The following TMEM108 variants were observed in gnomAD, a reference collection of about 807,000 sequenced individuals.
TMEM108 encodes cancer/testis antigen 124.
In TMEM108, 12 loss-of-function variants were observed where a neutral mutation model predicts 35.1. That is an observed-to-expected ratio of 0.34 (90% CI 0.22 to 0.55). The LOEUF (loss-of-function observed/expected upper bound fraction) is 0.55. Among genes scored for constraint, TMEM108 ranks in the 20% least tolerant of loss-of-function variants. The pLI is 0.89. For synonymous variants in TMEM108, 287 were observed against 308.6 expected (o/e 0.93, Z 0.73); for missense variants, 680 against 753.3 (o/e 0.90, Z 1.14).
chr3:133,319,660 G>A (rs879657855), intron 3 of TMEM108, among the ~76,000 whole-genome samples: 12 of 152,116 alleles, frequency 7.9e-5, no homozygotes, highest in African/African-American at 2.4e-4. Flanking sequence ...AGCAGGTGCC[G>A]GTATCCATGT....
At chr3:133,251,930 T>C (rs894697808) in intron 3 of TMEM108, among the ~76,000 whole-genome samples, 3 of 152,142 alleles carry the variant, frequency 2.0e-5, no homozygotes, top group African/African-American at 7.2e-5. Context: ...TGACGGCCTA[T>C]GATATGTAGT....
At chr3:133,077,977 G>A (rs147003854) in intron 2 of TMEM108, among the ~76,000 whole-genome samples, 1 of 152,228 alleles carries the variant, frequency 6.6e-6, no homozygotes, top group Non-Finnish European at 1.5e-5. Flanking sequence ...AGGTTTTTGT[G>A]TGTCTTCCAA....
At position 133,162,705 on chromosome 3, in the gene TMEM108, C is replaced by G. The variant is rs560580308; in HGVS notation, c.-46-66561C>G. Among the ~76,000 whole-genome samples the G allele has an allele frequency of 3.2e-4, 48 of 152,300 alleles. No homozygotes were observed. The East Asian group carries it at 7.1e-3, about 23-fold the overall frequency. The stretch of plus-strand genomic sequence containing the variant: ...GTCTGCCAGAGCATCTTTTCTGAGC[C>G]CTTGGCTTCATTAATACACTGCTTC... On this transcript the variant is annotated intron_variant, in intron 2 of 5. Coordinates refer to ENST00000321871, the MANE Select transcript of TMEM108 (RefSeq NM_023943.4).
intron 3 of TMEM108, among the ~76,000 whole-genome samples, chr3:133,269,957 G>C (rs1946747831): frequency 6.6e-6 from 1 of 152,122 alleles, no homozygotes; most frequent in Admixed American, 6.5e-5. Context: ...TCCTCCTCCT[G>C]GAGTGAGCTA....
chr3:133,343,954 T>A (rs2071739026), intron 3 of TMEM108, among the ~76,000 whole-genome samples: 1 of 151,866 alleles, frequency 6.6e-6, no homozygotes, highest in Non-Finnish European at 1.5e-5. Context: ...CACAACCTTT[T>A]TCCAACCAAA....
At chr3:133,251,641 GAT>G (rs1471672018) in intron 3 of TMEM108, among the ~76,000 whole-genome samples, 1 of 152,098 alleles carries the variant, frequency 6.6e-6, no homozygotes, top group Non-Finnish European at 1.5e-5. Context: ...AAAGGGAAGA[GAT>G]ATTGGATAGG....
intron 3 of TMEM108, among the ~76,000 whole-genome samples, chr3:133,329,884 T>C (rs1576459062): frequency 6.6e-6 from 1 of 152,150 alleles, no homozygotes; most frequent in South Asian, 2.1e-4. Flanking sequence ...TAGTGTGTGG[T>C]TATATTCCCT....
intron 2 of TMEM108, among the ~76,000 whole-genome samples, chr3:133,114,619 C>CTTTAT (rs556857335): frequency 5.9e-5 from 9 of 151,936 alleles, no homozygotes; most frequent in Non-Finnish European, 1.3e-4. Flanking sequence ...TGCCTCCTGC[C>CTTTAT]TTTATTTTAT....
chr3:133,061,775 GT>G (rs1258152599), intron 2 of TMEM108, among the ~76,000 whole-genome samples: 1 of 152,144 alleles, frequency 6.6e-6, no homozygotes, highest in Non-Finnish European at 1.5e-5. Context: ...TACTGCACTG[GT>G]GTGTGGAATA....
intron 2 of TMEM108, among the ~76,000 whole-genome samples, chr3:133,164,404 C>A (rs1306910834): frequency 6.6e-6 from 1 of 152,156 alleles, no homozygotes; most frequent in Non-Finnish European, 1.5e-5. Flanking sequence ...GGGAGTCTCT[C>A]AGCTGGACAC....
chr3:133,317,320 C>T (rs1021040588), intron 3 of TMEM108, among the ~76,000 whole-genome samples: 3 of 152,196 alleles, frequency 2.0e-5, no homozygotes, highest in African/African-American at 7.2e-5. Context: ...GACAGGCTCT[C>T]AGCAAAATGC....
intron 3 of TMEM108, among the ~76,000 whole-genome samples, chr3:133,268,054 C>G (rs1946723089): frequency 6.6e-6 from 1 of 152,196 alleles, no homozygotes; most frequent in Non-Finnish European, 1.5e-5. Flanking sequence ...TCTGGAATGG[C>G]AGAAGCTGGC....
chr3:133,354,257 A>G (rs1317581763), intron 3 of TMEM108, among the ~76,000 whole-genome samples: 3 of 152,208 alleles, frequency 2.0e-5, no homozygotes, highest in Non-Finnish European at 4.4e-5. Flanking sequence ...TGGTGAGAGC[A>G]CGATATACAC....
At chr3:133,080,153 C>G (rs547804423) in intron 2 of TMEM108, among the ~76,000 whole-genome samples, 2 of 152,156 alleles carry the variant, frequency 1.3e-5, no homozygotes, top group African/African-American at 2.4e-5. Context: ...GAGGAGAGCA[C>G]AGATGGGGGA....
intron 2 of TMEM108, among the ~76,000 whole-genome samples, chr3:133,127,918 A>G (rs1338007888): frequency 6.6e-6 from 1 of 152,210 alleles, no homozygotes; most frequent in Non-Finnish European, 1.5e-5. Context: ...CTGGGCCGAG[A>G]AACTTTACTT....
chr3:133,095,050 TTTC>T (rs1217307741), intron 2 of TMEM108, among the ~76,000 whole-genome samples: 3 of 152,236 alleles, frequency 2.0e-5, no homozygotes, highest in Non-Finnish European at 4.4e-5. Flanking sequence ...AAGTTCTGTT[TTTC>T]TTATCATTCC....
intron 2 of TMEM108, among the ~76,000 whole-genome samples, chr3:133,068,096 A>G (rs184111410): frequency 8.6e-4 from 124 of 144,676 alleles, no homozygotes; most frequent in Middle Eastern, 7.1e-3. Flanking sequence ...TTAATGTTAT[A>G]TAATATATTA....
intron 2 of TMEM108, among the ~76,000 whole-genome samples, chr3:133,152,206 A>C (rs1295863609): frequency 2.0e-5 from 3 of 152,196 alleles, no homozygotes; most frequent in Admixed American, 6.5e-5. Context: ...AGTGCCTTTG[A>C]AGAATGGCAT....
intron 2 of TMEM108, among the ~76,000 whole-genome samples, chr3:133,200,248 A>C (rs1011950496): frequency 1.3e-5 from 2 of 152,118 alleles, no homozygotes; most frequent in African/African-American, 2.4e-5. Context: ...GCTTCTGCTT[A>C]TGCTCGGTAG....
Sources: allele counts gnomAD v4.1 joint callset (sites outside exome capture counted in the v4.1 genomes callset), GRCh38; gene constraint gnomAD v4.1.1; transcripts MANE v1.5; gene names NCBI Gene and HGNC (gene_info 2026-07-23, HGNC 2026-07-21).